The following PKD1 variants were observed in gnomAD, a reference collection of about 807,000 sequenced individuals.
PKD1 encodes the protein polycystin 1, transient receptor potential channel interacting.
Under a neutral mutation model 361.7 loss-of-function variants are expected in PKD1, and 81 were observed. The observed-to-expected ratio is 0.22, with a 90% CI of 0.19 to 0.27. PKD1 has a LOEUF of 0.27. Among genes scored for constraint, PKD1 ranks in the 10% least tolerant of loss-of-function variants. The pLI is 1.00. For missense variants in PKD1, 6,399 were observed against 6,118.3 expected (o/e 1.05, Z -1.53); for synonymous variants, 3,615 against 2,818.3 (o/e 1.28, Z -8.95).
At chr16:2,132,864 C>T (rs2092903785) in intron 1 of PKD1, among the ~76,000 whole-genome samples, 1 of 149,046 alleles carries the variant, frequency 6.7e-6, no homozygotes, top group Admixed American at 6.7e-5. Context: ...GGCGGATCAT[C>T]TGAGGTCAGG....
intron 26 of PKD1, among the ~76,000 whole-genome samples, chr16:2,101,684 G>A (rs2092103817): frequency 6.6e-6 from 1 of 152,260 alleles, no homozygotes; most frequent in African/African-American, 2.4e-5. Flanking sequence ...GGAAAATGGA[G>A]GTACTGAAGA....
intron 1 of PKD1, among the ~76,000 whole-genome samples, chr16:2,122,921 C>T (rs1401102190): frequency 4.6e-5 from 7 of 152,138 alleles, no homozygotes; most frequent in South Asian, 2.1e-4. Flanking sequence ...ACCCAGGCCA[C>T]GGGAGAAAGG....
In PKD1 at chr16:2,104,632, C is replaced by T; in HGVS notation, c.8027G>A (p.Arg2676Lys). 1.3e-6 allele frequency: 2 copies of T among 1,539,948 alleles called. No homozygotes were observed. Among genetic ancestry groups the T allele is most frequent in the South Asian group, 1.1e-5 (1 of 87,590 alleles). ...CAGGCACGAGCGGCATACGAGCTCCCTGCTGGGCCCCTGTGTGGAGCCAGC... is the reference window on the plus strand; with the variant it reads ...CAGGCACGAGCGGCATACGAGCTCCTTGCTGGGCCCCTGTGTGGAGCCAGC... ...AALAQCMGPS[R>K]ELVCRSCLKQ... Residue 2676 changes from arginine to lysine, a missense_variant, in exon 22 of 46, where the codon AGG (arginine) becomes AAG (lysine). By Grantham distance (26) the Arg-to-Lys change is conservative (BLOSUM62 2). Coordinates refer to ENST00000262304, the MANE Select transcript of PKD1 (RefSeq NM_001009944.3).
chr16:2,103,236 G>A (rs372313074), intron 23 of PKD1, 30 bp downstream of exon 23: 1 of 1,606,254 alleles, frequency 6.2e-7, no homozygotes, highest in Non-Finnish European at 8.5e-7. Context: ...AAGGCCAGGG[G>A]GCCGCGTGTG....
At position 2,090,355 on chromosome 16, in the gene PKD1, T is replaced by A. The variant is rs2091437758; in HGVS notation, c.12374A>T (p.Gln4125Leu). 14 of 1,612,562 alleles carry A rather than the reference T, an allele frequency of 8.7e-6. No homozygotes were observed. The highest frequency in any genetic ancestry group is 1.2e-5 in the Non-Finnish European group (14 of 1,179,862). ...GAACAACTCCACCATCTCGTAGTCC[T>A]GGGGCTCCCAGGCCGGCCGGTACAG... The part of the protein sequence containing the change: ...GELYRPAWEP[Q>L]DYEMVELFLR... Residue 4125 changes from glutamine to leucine, a missense_variant, in exon 45 of 46, where the codon CAG becomes CTG. Transcript: ENST00000262304.
Position 2,112,450 on chromosome 16 carries a change from T to G in PKD1, c.3185A>C (p.Gln1062Pro). The G allele has an allele frequency of 6.3e-7, 1 of 1,587,926 alleles. No individual in the cohort carries two copies. The highest frequency in any genetic ancestry group is 2.2e-5 in the East Asian group (1 of 44,688). Residue 1062 changes from glutamine to proline, a missense_variant, in exon 14 of 46, where the codon CAG becomes CCG. Physicochemically the swap from Gln to Pro is moderately conservative, Grantham distance 76. Coordinates refer to ENST00000262304, the MANE Select transcript of PKD1 (RefSeq NM_001009944.3). ...AFLWTFGDGE[Q>P]ALHQFQPPYN... ...CGGAGGCTGGAACTGGTGGAGGGCC[T>G]GCTCCCCATCCCCAAAGGTCCACCT...
intron 20 of PKD1, 147 bp from the exon 21 acceptor site, chr16:2,105,621 T>C (rs1438767313): frequency 9.6e-6 from 15 of 1,561,362 alleles, no homozygotes; most frequent in Admixed American, 1.8e-5. Context: ...TGTTTCTTCA[T>C]GGGCAAAACA....
At chr16:2,125,558 G>A (rs868752701) in intron 1 of PKD1, among the ~76,000 whole-genome samples, 18 of 152,322 alleles carry the variant, frequency 1.2e-4, no homozygotes, top group Non-Finnish European at 1.2e-4. Flanking sequence ...TGGAGACTCC[G>A]GCCTCGGAGG....
In PKD1 at chr16:2,097,458, G is replaced by A. The variant is rs745478043; in HGVS notation, c.10266C>T (p.Asp3422=). 1.1e-5 allele frequency: 18 copies of A among 1,604,880 alleles called. No homozygotes were observed. Among genetic ancestry groups the A allele is most frequent in the African/African-American group, 4.0e-5 (3 of 74,926 alleles). ...CCACAATGGACGGGTCACTGAGCAG[G>A]TCCGGCCAACTGAGCGTTCCCTCGC... ...PSGEGTLSWP[D]LLSDPSIVGS... Residue 3422 remains aspartate (D), a synonymous_variant, in exon 33 of 46, where the codon GAC becomes GAT. Coordinates refer to ENST00000262304, the MANE Select transcript of PKD1 (RefSeq NM_001009944.3).
rs535964972 is a variant in PKD1 at position 2,097,934 on chromosome 16, G to A, written c.10101C>T (p.Ile3367=). ...PTPAGQQVLD[I]DSCLDSSVLD... ...GCACGGACGAGTCCAGGCAGCTGTC[G>A]ATGTCCAGCACCTGCTGCCCGGCAG... Residue 3367 remains isoleucine, a synonymous_variant, in exon 31 of 46, where the codon ATC becomes ATT. Transcript: ENST00000262304. 6.6e-5 allele frequency: 106 copies of A among 1,602,718 alleles called. 1 individual carries two copies. The East Asian group carries it at 1.9e-3, about 28-fold the overall frequency.
chr16:2,125,260 C>T (rs2092781627), intron 1 of PKD1, among the ~76,000 whole-genome samples: 1 of 152,172 alleles, frequency 6.6e-6, no homozygotes, highest in Non-Finnish European at 1.5e-5. Context: ...GCTCCGCCTA[C>T]CACTTCCATG....
rs775196410 is a variant in PKD1 at position 2,091,786 on chromosome 16, G to A, written c.11532C>T (p.Asp3844=). 1 of 1,610,640 alleles carries A rather than the reference G, an allele frequency of 6.2e-7. No homozygotes were observed. The highest frequency in any genetic ancestry group is 8.5e-7 in the Non-Finnish European group (1 of 1,179,454). ...LRFLQLHNWL[D]NRSRAVFLEL... ...GCAGGGGAGGGAGCTCCCACCTGTT[G>A]TCCAGCCAGTTGTGCAGCTGCAGGA... The change falls in exon 41 of 46, where the codon GAC becomes GAT. Residue 3844 remains aspartate, a synonymous_variant. Transcript: ENST00000262304.
chr16:2,091,857 G>C lies in PKD1; in HGVS notation c.11461C>G (p.Gln3821Glu), dbSNP rs1325300747. Residue 3821 changes from glutamine to glutamate, a missense_variant, in exon 41 of 46, where the codon CAG (glutamine) becomes GAG (glutamate). Gln to Glu is a conservative substitution (Grantham distance 29). Coordinates refer to ENST00000262304, the MANE Select transcript of PKD1 (RefSeq NM_001009944.3). Reference sequence around the variant, plus strand: ...TCCTCCAGGCTCAGGCCCAGCTCCTGCACGTAGCCCCCGCTGTCATACACG... The same window carrying C: ...TCCTCCAGGCTCAGGCCCAGCTCCTCCACGTAGCCCCCGCTGTCATACACG... ...CAVYDSGGYV[Q>E]ELGLSLEESR... 3.1e-6 allele frequency: 5 copies of C among 1,610,518 alleles called. No homozygotes were observed. Among genetic ancestry groups the C allele is most frequent in the Non-Finnish European group, 4.2e-6 (5 of 1,179,220 alleles).
At chr16:2,097,106 C>T in intron 34 of PKD1, 42 bp downstream of exon 34, 1 of 1,468,962 alleles carries the variant, frequency 6.8e-7, no homozygotes, top group Non-Finnish European at 9.3e-7. Context: ...GTCCCGGCCC[C>T]TCCTCTGGCA....
In PKD1 at chr16:2,111,458, T is replaced by C. The variant is rs1418691982; in HGVS notation, c.3709A>G (p.Thr1237Ala). Residue 1237 changes from threonine (T) to alanine (A), a missense_variant, in exon 15 of 46, where the codon ACG becomes GCG. Physicochemically the swap from Thr to Ala is moderately conservative, Grantham distance 58 (BLOSUM62 0). Coordinates refer to ENST00000262304, the MANE Select transcript of PKD1 (RefSeq NM_001009944.3). The part of the protein sequence containing the change: ...APVVVSAAVQ[T>A]GDNITWTFDM... ...AAGGTCCACGTGATGTTGTCGCCCG[T>C]CTGCACCGCGGCGCTGACCACCACG... is the stretch of plus-strand genomic sequence containing the variant. The C allele has an allele frequency of 6.2e-7, 1 of 1,611,796 alleles. No individual in the cohort carries two copies. Among genetic ancestry groups the C allele is most frequent in the South Asian group, 1.1e-5 (1 of 91,022 alleles).
intron 1 of PKD1, 99 bp from the exon 2 acceptor site, chr16:2,119,477 G>A (rs2092688482): frequency 4.2e-6 from 3 of 711,892 alleles, no homozygotes; most frequent in African/African-American, 1.7e-5. Context: ...CCAAGCTATG[G>A]CCTCCCACCC....
At chr16:2,115,850 G>C (rs2092624702) in intron 9 of PKD1, 142 bp downstream of exon 9, 1 of 1,044,772 alleles carries the variant, frequency 9.6e-7, no homozygotes, top group Non-Finnish European at 1.4e-6. Context: ...GGAATGAGCT[G>C]GTGTCTCTGG....
At chr16:2,115,283 TG>T in intron 10 of PKD1, 94 bp downstream of exon 10, 1 of 1,278,498 alleles carries the variant, frequency 7.8e-7, no homozygotes, top group South Asian at 1.4e-5. Context: ...GCCTGCAGGC[TG>T]GGTGTGTCTG....
Position 2,091,613 on chromosome 16 carries a change from G to T in PKD1, c.11538-16C>A. ...AGCGCGGCTCCTGCGCAGAGGGTGC[G>T]GGTCAGTAGGAGCGGGTGGCAGGGC... On this transcript the variant is annotated splice_polypyrimidine_tract_variant and intron_variant, in intron 41 of 45. Coordinates refer to ENST00000262304, the MANE Select transcript of PKD1 (RefSeq NM_001009944.3). The T allele has an allele frequency of 6.4e-7, 1 of 1,561,632 alleles. No homozygotes were observed. Among genetic ancestry groups the T allele is most frequent in the Non-Finnish European group, 8.6e-7 (1 of 1,161,874 alleles).
Sources: allele counts gnomAD v4.1 joint callset (sites outside exome capture counted in the v4.1 genomes callset), GRCh38; gene constraint gnomAD v4.1.1; transcripts MANE v1.5; gene names NCBI Gene and HGNC (gene_info 2026-07-23, HGNC 2026-07-21).